The following ADGRE1 variants were observed in gnomAD, a reference collection of about 807,000 sequenced individuals.
The protein encoded by ADGRE1 is EGF-like module receptor 1.
Under a neutral mutation model 102.7 loss-of-function variants are expected in ADGRE1, and 82 were observed. The observed-to-expected ratio is 0.80, with a 90% confidence interval of 0.67 to 0.96. ADGRE1 has a LOEUF of 0.96. Ranked by LOEUF, ADGRE1 falls within the 40% of genes least tolerant of loss-of-function variation. The pLI is 0.00. For synonymous variants in ADGRE1, 398 were observed against 399.6 expected (o/e 1.00, Z 0.05); for missense variants, 1,032 against 1,085.3 (o/e 0.95, Z 0.69).
At chr19:6,910,066 C>T (rs1038949387) in intron 10 of ADGRE1, among the ~76,000 whole-genome samples, 1 of 151,974 alleles carries the variant, frequency 6.6e-6, no homozygotes, top group African/African-American at 2.4e-5. Context: ...TTAAGTTGAA[C>T]TCATTGATAT....
chr19:6,890,710 C>G (rs992777401), intron 2 of ADGRE1, among the ~76,000 whole-genome samples, 167 bp downstream of exon 2: 1 of 152,182 alleles, frequency 6.6e-6, no homozygotes, highest in African/African-American at 2.4e-5. Context: ...AGGCTCTTTC[C>G]TTTGTGCTTA....
chr19:6,925,145 G>A (rs968605361), intron 15 of ADGRE1, among the ~76,000 whole-genome samples: 32 of 152,116 alleles, frequency 2.1e-4, no homozygotes, highest in African/African-American at 7.7e-4. Flanking sequence ...TTTTGATACT[G>A]AGTTTCGCTC....
chr19:6,898,372 G>A (rs142675679), intron 5 of ADGRE1: 1 of 1,599,958 alleles, frequency 6.3e-7, no homozygotes, highest in Non-Finnish European at 8.6e-7. Context: ...AAACATGTCA[G>A]GGAGGTACAA....
chr19:6,922,622 A>T (rs1412223853), intron 14 of ADGRE1, among the ~76,000 whole-genome samples: 2 of 136,012 alleles, frequency 1.5e-5, no homozygotes, highest in African/African-American at 6.7e-5. Flanking sequence ...TCACACACAC[A>T]CACACACACA....
intron 6 of ADGRE1, among the ~76,000 whole-genome samples, chr19:6,902,800 G>T (rs1018025223): frequency 1.3e-5 from 2 of 152,144 alleles, no homozygotes; most frequent in Non-Finnish European, 2.9e-5. Context: ...GCAGTGGCTT[G>T]ATCTCAGCTT....
At chr19:6,894,494 C>T (rs1359509758) in intron 2 of ADGRE1, among the ~76,000 whole-genome samples, 1 of 152,084 alleles carries the variant, frequency 6.6e-6, no homozygotes, top group Non-Finnish European at 1.5e-5. Context: ...GGAAGCTGGC[C>T]AGGCAAAGCA....
intron 2 of ADGRE1, among the ~76,000 whole-genome samples, chr19:6,894,562 G>A (rs1027260065): frequency 6.6e-6 from 1 of 152,206 alleles, no homozygotes; most frequent in Admixed American, 6.5e-5. Context: ...GAAATGGAGT[G>A]CAAAGAGAAA....
Position 6,903,841 on chromosome 19 carries a change from C to G in ADGRE1, c.693C>G (p.Ile231Met). Reference protein sequence around the residue: ...DIDECTEMCPINSTCTNTPGS... With the variant: ...DIDECTEMCPMNSTCTNTPGS... ...ATGAATGCACTGAAATGTGCCCCATCAATTCAACATGCACCAACACTCCTG... is the reference window on the plus strand; with the variant it reads ...ATGAATGCACTGAAATGTGCCCCATGAATTCAACATGCACCAACACTCCTG... The change falls in exon 7 of 21, where the codon ATC (isoleucine) becomes ATG (methionine). Residue 231 changes from isoleucine (I) to methionine (M), a missense_variant. By Grantham distance (10) the Ile-to-Met change is conservative. Transcript: ENST00000312053. The G allele has an allele frequency of 1.2e-6, 2 of 1,614,158 alleles. No individual in the cohort carries two copies. Among genetic ancestry groups the G allele is most frequent in the Admixed American group, 1.7e-5 (1 of 60,022 alleles).
intron 8 of ADGRE1, among the ~76,000 whole-genome samples, chr19:6,905,107 C>G (rs902814270): frequency 6.6e-6 from 1 of 151,858 alleles, no homozygotes; most frequent in African/African-American, 2.4e-5. Flanking sequence ...CTTTGGGAGG[C>G]CAAGGTGAGA....
chr19:6,911,642 TATACACACATGCGCACACAC>T (rs1371104460), intron 10 of ADGRE1, among the ~76,000 whole-genome samples: 2 of 150,080 alleles, frequency 1.3e-5, no homozygotes, highest in Non-Finnish European at 3.0e-5. Context: ...CACACACACA[TATACACACATGCGCACACAC>T]ATACACATAC....
At chr19:6,900,834 G>A (rs1328579315) in intron 5 of ADGRE1, among the ~76,000 whole-genome samples, 3 of 152,156 alleles carry the variant, frequency 2.0e-5, no homozygotes, top group Admixed American at 2.0e-4. Context: ...GCTATCACTG[G>A]GTAACAAATT....
intron 10 of ADGRE1, 101 bp downstream of exon 10, chr19:6,908,873 C>A: frequency 9.4e-7 from 1 of 1,061,476 alleles, no homozygotes; most frequent in South Asian, 1.5e-5. Flanking sequence ...GTGGCTCACA[C>A]CCATAATCCC....
At chr19:6,932,594 T>A (rs1216222782) in intron 17 of ADGRE1, among the ~76,000 whole-genome samples, 3 of 152,210 alleles carry the variant, frequency 2.0e-5, no homozygotes, top group African/African-American at 7.2e-5. Flanking sequence ...TCAAAGTTGA[T>A]CCTGATGCTC....
At chr19:6,932,296 G>A (rs34044508) in intron 17 of ADGRE1, among the ~76,000 whole-genome samples, 18,107 of 151,668 alleles carry the variant, frequency 0.12, 2,545 homozygotes, top group African/African-American at 0.34. Flanking sequence ...GTGAAACCCC[G>A]TCTCCACTAA....
In ADGRE1 at chr19:6,924,612, T is replaced by C. The variant is rs1974807140; in HGVS notation, c.1792-66T>C. ...TGCCCGAGCCAGGGTTTTAGATAAC[T>C]CTTCTTCCCGCCTGGGGGGATTTTG... On this transcript the variant is annotated intron_variant, in intron 14 of 20. Transcript: ENST00000312053. 6 of 1,488,976 alleles carry C rather than the reference T, an allele frequency of 4.0e-6. No homozygotes were observed. In the East Asian group the frequency reaches 9.1e-5, roughly 23 times the overall value. 92.2% of individuals were successfully genotyped at this position (1,488,976 alleles called of 1,614,324 possible). A position where few individuals can be genotyped will look rare whatever the true frequency, so the allele number is the denominator to read the frequency against.
chr19:6,940,309 C>T lies in ADGRE1; in HGVS notation c.*280C>T. 5.5e-6 allele frequency: 3 copies of T among 540,944 alleles called. No individual in the cohort carries two copies. The highest frequency in any genetic ancestry group is 5.0e-4 in the Middle Eastern group (1 of 2,002). The allele number at this position is 540,944 out of a possible 1,614,324, so 33.5% of individuals were successfully genotyped here. A position where few individuals can be genotyped will look rare whatever the true frequency, so the allele number is the denominator to read the frequency against. The stretch of plus-strand genomic sequence containing the variant: ...ACAGACCCAAATTCAATGGCATGAC[C>T]AAGAACACCTGGCTACCATTTTGTT... On this transcript the variant is annotated 3_prime_UTR_variant, in exon 21 of 21. Coordinates refer to ENST00000312053, the MANE Select transcript of ADGRE1 (RefSeq NM_001974.5).
At chr19:6,933,021 G>C (rs567594631) in intron 17 of ADGRE1, among the ~76,000 whole-genome samples, 2 of 152,174 alleles carry the variant, frequency 1.3e-5, no homozygotes, top group African/African-American at 4.8e-5. Context: ...AGGAGTCTGA[G>C]ACCAGCCCGG....
chr19:6,936,484 T>C (rs1975408069), intron 18 of ADGRE1, among the ~76,000 whole-genome samples: 1 of 150,846 alleles, frequency 6.6e-6, no homozygotes, highest in Non-Finnish European at 1.5e-5. Context: ...TACATACACA[T>C]ACTCATAGCA....
In ADGRE1 at chr19:6,897,306, T is replaced by C. The variant is rs775428897; in HGVS notation, c.394+2T>C. On this transcript the variant is annotated splice_donor_variant, in intron 4 of 20. Transcript: ENST00000312053. LOFTEE classifies it high-confidence loss of function. ...AGCCGGGCAATTTCTCCTGTACTGG[T>C]AATGCTCTCAGGTTCCCAGGGATGG... The C allele has an allele frequency of 2.5e-6, 4 of 1,613,972 alleles. No individual in the cohort carries two copies. The South Asian group carries it at 4.4e-5, about 18-fold the overall frequency.
Sources: allele counts gnomAD v4.1 joint callset (sites outside exome capture counted in the v4.1 genomes callset), GRCh38; gene constraint gnomAD v4.1.1; transcripts MANE v1.5; gene names NCBI Gene and HGNC (gene_info 2026-07-23, HGNC 2026-07-21).